Variants in DOCK4 observed in about 807,000 individuals in gnomAD.
DOCK4 encodes dedicator of cytokinesis protein 4.
Under a neutral mutation model 268.1 loss-of-function variants are expected in DOCK4, and 97 were observed. The observed-to-expected ratio is 0.36, with a 90% CI of 0.31 to 0.43. The LOEUF is 0.43. Among genes scored for constraint, DOCK4 ranks in the 20% least tolerant of loss-of-function variants. The pLI, the probability that DOCK4 is intolerant of heterozygous loss-of-function variation, is 1.00. For synonymous variants in DOCK4, 954 were observed against 887.2 expected (o/e 1.08, Z -1.34); for missense variants, 2,145 against 2,455.7 (o/e 0.87, Z 2.67).
At chr7:112,032,316 CTAAT>C (rs1306220612) in intron 1 of DOCK4, among the ~76,000 whole-genome samples, 3 of 152,200 alleles carry the variant, frequency 2.0e-5, no homozygotes, top group African/African-American at 7.2e-5. Flanking sequence ...TGTTTGATAA[CTAAT>C]TAAGTATAAG....
chr7:111,861,124 C>T (rs572467053), intron 23 of DOCK4, among the ~76,000 whole-genome samples: 1 of 152,212 alleles, frequency 6.6e-6, no homozygotes, highest in East Asian at 1.9e-4. Flanking sequence ...TCCGTTGGGA[C>T]CTACATCTCC....
chr7:112,186,516 T>C (rs112508968), intron 1 of DOCK4, among the ~76,000 whole-genome samples: 14 of 152,334 alleles, frequency 9.2e-5, no homozygotes, highest in African/African-American at 3.4e-4. Flanking sequence ...CGGAATGAAA[T>C]GATGCATGTA....
At chr7:111,734,703 G>GT (rs1563425328) in intron 51 of DOCK4, among the ~76,000 whole-genome samples, 1 of 152,208 alleles carries the variant, frequency 6.6e-6, no homozygotes, top group African/African-American at 2.4e-5. Flanking sequence ...ACTGAAGAAA[G>GT]TAGCTGAGTT....
rs781555979 is a variant in DOCK4 at position 111,728,312 on chromosome 7, G to C, written c.5890C>G (p.Arg1964Gly). ...ACCTTGCGGGGCAGGGGCCTGGGCC[G>C]CGGGCCGGGGTCAGTCCTCCGGGCC... ...NGARRTDPGP[R>G]PRPLPRKVSQ... Residue 1964 changes from arginine to glycine, a missense_variant, in exon 53 of 53, where the codon CGG (arginine) becomes GGG (glycine). By Grantham distance (125) the Arg-to-Gly change is moderately radical. This residue lies in a region of DOCK4 where 547 missense variants were observed against 469.0 expected (regional missense o/e 1.17). Coordinates refer to ENST00000428084, the MANE Select transcript of DOCK4 (RefSeq NM_001363540.2). The C allele has an allele frequency of 3.3e-6, 5 of 1,508,540 alleles. No homozygotes were observed. Among genetic ancestry groups the C allele is most frequent in the East Asian group, 2.3e-5 (1 of 43,572 alleles). 93.4% of individuals were successfully genotyped at this position (1,508,540 alleles called of 1,614,324 possible).
At chr7:111,742,917 G>A (rs778975639) in intron 44 of DOCK4, among the ~76,000 whole-genome samples, 12 of 152,008 alleles carry the variant, frequency 7.9e-5, no homozygotes, top group Admixed American at 2.0e-4. Flanking sequence ...GCTTGAATCC[G>A]GGAGGTGGAG....
intron 51 of DOCK4, 184 bp from the exon 52 acceptor site, chr7:111,732,471 G>T: frequency 1.6e-6 from 1 of 616,692 alleles, no homozygotes; most frequent in Non-Finnish European, 2.9e-6. Context: ...TCTCACAAAG[G>T]GTGGCACTGC....
intron 37 of DOCK4, among the ~76,000 whole-genome samples, chr7:111,767,439 A>C (rs1797832797): frequency 6.6e-6 from 1 of 151,830 alleles, no homozygotes; most frequent in Non-Finnish European, 1.5e-5. Flanking sequence ...GTTGGCCAGA[A>C]TGGTCTTGAT....
chr7:111,864,514 C>T (rs954315452), intron 22 of DOCK4, among the ~76,000 whole-genome samples: 3 of 152,206 alleles, frequency 2.0e-5, no homozygotes, highest in Non-Finnish European at 1.5e-5. Context: ...GAAAATAGGT[C>T]GCGTCTACAT....
intron 36 of DOCK4, among the ~76,000 whole-genome samples, chr7:111,771,488 AAGGGTGTC>A (rs1372274320): frequency 1.3e-5 from 2 of 152,140 alleles, no homozygotes; most frequent in Non-Finnish European, 2.9e-5. Context: ...GCAGCCACTA[AAGGGTGTC>A]AGTTAACTGG....
chr7:112,091,745 C>G (rs561262111), intron 1 of DOCK4, among the ~76,000 whole-genome samples: 2 of 152,096 alleles, frequency 1.3e-5, no homozygotes, highest in African/African-American at 4.8e-5. Context: ...CCCACTGATG[C>G]CCCTAGTTAA....
chr7:111,857,798 C>T (rs1805134882), intron 23 of DOCK4, among the ~76,000 whole-genome samples: 1 of 152,232 alleles, frequency 6.6e-6, no homozygotes, highest in Admixed American at 6.5e-5. Context: ...CCAACAACCT[C>T]TCTGCATCAA....
chr7:112,178,250 CA>C (rs1339319900), intron 1 of DOCK4, among the ~76,000 whole-genome samples: 2 of 152,216 alleles, frequency 1.3e-5, no homozygotes, highest in East Asian at 3.8e-4. Context: ...CTGTATCACT[CA>C]TTTTGTACTT....
intron 23 of DOCK4, 118 bp from the exon 24 acceptor site, chr7:111,847,244 C>A: frequency 7.9e-7 from 1 of 1,259,466 alleles, no homozygotes; most frequent in Non-Finnish European, 1.1e-6. Flanking sequence ...CATGTAGTTA[C>A]AAAGGTATTA....
At chr7:111,920,179 G>A (rs750123348) in intron 12 of DOCK4, among the ~76,000 whole-genome samples, 3 of 152,090 alleles carry the variant, frequency 2.0e-5, no homozygotes, top group Admixed American at 1.3e-4. Context: ...CACAGGAGAC[G>A]AAGTTTCAGT....
chr7:111,735,083 G>A lies in DOCK4; in HGVS notation c.5390C>T (p.Pro1797Leu), dbSNP rs545933889. Residue 1797 changes from proline to leucine, a missense_variant, in exon 51 of 53, where the codon CCC becomes CTC. By Grantham distance (98) the Pro-to-Leu change is moderately conservative (BLOSUM62 -3). Coordinates refer to ENST00000428084, the MANE Select transcript of DOCK4 (RefSeq NM_001363540.2). ...CTGTGTGGGTCTTGGAGGGACAGGGGGAGAGATAAGTTTCCCACTATCCGA... is the reference window on the plus strand; with the variant it reads ...CTGTGTGGGTCTTGGAGGGACAGGGAGAGAGATAAGTTTCCCACTATCCGA... ...NMSDSGKLIS[P>L]PVPPRPTQTA... is the part of the protein sequence containing the mutation. 1.9e-6 allele frequency: 3 copies of A among 1,598,612 alleles called. No individual in the cohort carries two copies. The highest frequency in any genetic ancestry group is 1.3e-5 in the African/African-American group (1 of 74,788).
chr7:111,997,963 A>C (rs1021961358), intron 4 of DOCK4, among the ~76,000 whole-genome samples: 4 of 152,238 alleles, frequency 2.6e-5, no homozygotes, highest in African/African-American at 9.6e-5. Context: ...AATCAAACAA[A>C]GTATCATATA....
intron 8 of DOCK4, among the ~76,000 whole-genome samples, chr7:111,960,098 G>C (rs1263786054): frequency 6.6e-6 from 1 of 151,876 alleles, no homozygotes; most frequent in Non-Finnish European, 1.5e-5. Context: ...GGGTGCAGTG[G>C]CTCACGCCTG....
intron 8 of DOCK4, among the ~76,000 whole-genome samples, chr7:111,955,068 T>C (rs1297522969): frequency 2.6e-5 from 4 of 152,222 alleles, no homozygotes; most frequent in Non-Finnish European, 5.9e-5. Flanking sequence ...GATAGTCATG[T>C]ATACCAGAAA....
intron 42 of DOCK4, 88 bp downstream of exon 42, chr7:111,755,427 G>A (rs895571606): frequency 7.9e-6 from 10 of 1,262,458 alleles, no homozygotes; most frequent in Middle Eastern, 3.9e-4. Context: ...AGAGAATCTG[G>A]GTCGAAGGAG....
Sources: allele counts gnomAD v4.1 joint callset (sites outside exome capture counted in the v4.1 genomes callset), GRCh38; gene constraint gnomAD v4.1.1; regional missense constraint gnomAD v4.1.1; transcripts MANE v1.5; gene names NCBI Gene and HGNC (gene_info 2026-07-23, HGNC 2026-07-21).